SLC38A10: variants seen among roughly 807,000 people sequenced by gnomAD.
SLC38A10 encodes the protein Sodium-coupled neutral amino acid transporter 10.
In SLC38A10, 53 loss-of-function variants were observed where a neutral mutation model predicts 81.0. That is an observed-to-expected ratio of 0.65 (90% CI 0.53 to 0.82). The LOEUF (loss-of-function observed/expected upper bound fraction) is 0.82, where lower values mean the gene tolerates loss of function less well. Among genes scored for constraint, SLC38A10 ranks in the 40% least tolerant of loss-of-function variants. SLC38A10 has a pLI of 0.00. For synonymous variants in SLC38A10, 665 were observed against 655.3 expected (o/e 1.01, Z -0.23); for missense variants, 1,471 against 1,545.0 (o/e 0.95, Z 0.80).
intron 1 of SLC38A10, among the ~76,000 whole-genome samples, chr17:81,290,096 C>T (rs890727885): frequency 2.6e-5 from 4 of 152,204 alleles, no homozygotes; most frequent in African/African-American, 9.7e-5. Context: ...ACTAATACCC[C>T]CTTGTTCTCT....
In SLC38A10 at chr17:81,245,714, C is replaced by A. The variant is rs761683568; in HGVS notation, c.3202G>T (p.Asp1068Tyr). 6.2e-7 allele frequency: 1 copy of A among 1,600,500 alleles called. No homozygotes were observed. Among genetic ancestry groups the A allele is most frequent in the Non-Finnish European group, 8.5e-7 (1 of 1,170,620 alleles). ...PHAEGQLAPR[D>Y]GVIIGLNPLP... ...GGGTTAAGGCCAATGATGACCCCAT[C>A]CCTCGGGGCCAGCTGACCCTCTGCA... The change falls in exon 16 of 16, where the codon GAT becomes TAT. Residue 1068 changes from aspartate (D) to tyrosine (Y), a missense_variant. Asp to Tyr is a radical substitution (Grantham distance 160). Around this residue, in one of 2 missense-constraint regions of SLC38A10, gnomAD observed 751 missense variants for 717.4 expected, o/e 1.05. Transcript: ENST00000374759.
intron 10 of SLC38A10, 123 bp from the exon 11 acceptor site, chr17:81,260,517 A>C (rs2063012795): frequency 7.7e-7 from 1 of 1,300,860 alleles, no homozygotes; most frequent in Non-Finnish European, 1.0e-6. Flanking sequence ...TGGACATGAC[A>C]AAGTCCCCCG....
At chr17:81,260,510 A>G in intron 10 of SLC38A10, 116 bp from the exon 11 acceptor site, 1 of 1,351,674 alleles carries the variant, frequency 7.4e-7, no homozygotes, top group Non-Finnish European at 9.9e-7. Context: ...AGGAGAGTGG[A>G]CATGACAAAG....
chr17:81,272,840 G>C (rs924755421), intron 8 of SLC38A10, among the ~76,000 whole-genome samples: 5 of 152,126 alleles, frequency 3.3e-5, no homozygotes, highest in African/African-American at 1.2e-4. Flanking sequence ...AAGGCACGAG[G>C]GCTTCTCACC....
At chr17:81,259,154 G>A (rs1350526991) in intron 11 of SLC38A10, among the ~76,000 whole-genome samples, 1 of 152,200 alleles carries the variant, frequency 6.6e-6, no homozygotes, top group African/African-American at 2.4e-5. Context: ...CTCAGCCGAC[G>A]CCAGGGGCTC....
intron 10 of SLC38A10, among the ~76,000 whole-genome samples, chr17:81,268,330 A>G (rs2063086687): frequency 7.0e-6 from 1 of 142,834 alleles, no homozygotes; most frequent in Non-Finnish European, 1.5e-5. Flanking sequence ...GCACACTAGA[A>G]AACAAGACCC....
chr17:81,258,956 T>A (rs2062996720), intron 11 of SLC38A10, among the ~76,000 whole-genome samples: 1 of 152,174 alleles, frequency 6.6e-6, no homozygotes, highest in South Asian at 2.1e-4. Context: ...ACCTTCGCCA[T>A]CCGGGAACAG....
At chr17:81,260,763 G>C (rs936936332) in intron 10 of SLC38A10, among the ~76,000 whole-genome samples, 4 of 152,362 alleles carry the variant, frequency 2.6e-5, no homozygotes, top group Non-Finnish European at 5.9e-5. Context: ...GACGGAGCGG[G>C]AGGGACAGCG....
At chr17:81,249,003 T>A (rs771806859) in intron 14 of SLC38A10, among the ~76,000 whole-genome samples, 6 of 152,176 alleles carry the variant, frequency 3.9e-5, no homozygotes, top group Non-Finnish European at 8.8e-5. Context: ...GTGGGCCACG[T>A]GCTCGCCCTG....
rs991723929 is a variant in SLC38A10 at position 81,265,933 on chromosome 17, G to A, written c.1131+4985C>T. Reference sequence around the variant, plus strand: ...TCTCCTCCACGCACAGCCAAACTGCGGTGAATGTGATTCAGTGCGCTTTCT... The same window carrying A: ...TCTCCTCCACGCACAGCCAAACTGCAGTGAATGTGATTCAGTGCGCTTTCT... On this transcript the variant is annotated intron_variant, in intron 10 of 15. Coordinates refer to ENST00000374759, the MANE Select transcript of SLC38A10 (RefSeq NM_001037984.3). The surrounding 1 kb of genome is among the most constrained non-coding windows in gnomAD (Gnocchi z 4.2). Among the ~76,000 whole-genome samples, 4 of 152,238 alleles carry A rather than the reference G, an allele frequency of 2.6e-5. No homozygotes were observed. Among genetic ancestry groups the A allele is most frequent in the African/African-American group, 4.8e-5 (2 of 41,464 alleles).
chr17:81,261,426 G>C (rs1225106591), intron 10 of SLC38A10, among the ~76,000 whole-genome samples: 1 of 152,264 alleles, frequency 6.6e-6, no homozygotes, highest in Non-Finnish European at 1.5e-5. Context: ...GACTTCTGTA[G>C]AGCCAAGGGG....
intron 1 of SLC38A10, among the ~76,000 whole-genome samples, chr17:81,292,150 CAG>C (rs1406895050): frequency 2.0e-5 from 3 of 151,860 alleles, no homozygotes; most frequent in Non-Finnish European, 2.9e-5. Context: ...TTGTTTGAGA[CAG>C]AGTCTCACTC....
rs2063102157 is a variant in SLC38A10 at position 81,270,185 on chromosome 17, T to C, written c.1131+733A>G. ...CCTTGAGCCTGGCTGGGAGTGACGC[T>C]GCAGGCACTTTGGGTAGAGCCACCA... On this transcript the variant is annotated intron_variant, in intron 10 of 15. Coordinates refer to ENST00000374759, the MANE Select transcript of SLC38A10 (RefSeq NM_001037984.3). The surrounding 1 kb of genome is among the most constrained non-coding windows in gnomAD (Gnocchi z 4.0). 6.6e-6 allele frequency among the ~76,000 whole-genome samples: 1 copy of C among 152,192 alleles called. No individual in the cohort carries two copies. The highest frequency in any genetic ancestry group is 6.5e-5 in the Admixed American group (1 of 15,280).
rs145133392 is a variant in SLC38A10 at position 81,251,348 on chromosome 17, C to T, written c.2065+145G>A. On this transcript the variant is annotated intron_variant, in intron 14 of 15. Transcript: ENST00000374759. Reference sequence around the variant, plus strand: ...GATGGGAAGGGAGCAGAAAGCTCTCCGAGGGGTCTGCTCAGCAGGCGGCTG... The same window carrying T: ...GATGGGAAGGGAGCAGAAAGCTCTCTGAGGGGTCTGCTCAGCAGGCGGCTG... The T allele has an allele frequency of 4.6e-4, 738 of 1,612,886 alleles. 7 individuals carry two copies. In the African/African-American group the frequency reaches 8.5e-3, roughly 19 times the overall value.
chr17:81,249,205 AGG>A (rs2062881432), intron 14 of SLC38A10, among the ~76,000 whole-genome samples: 1 of 33,262 alleles, frequency 3.0e-5, no homozygotes, highest in Admixed American at 2.8e-4. Context: ...GAGGAGGGGG[AGG>A]GGGAGGAGGG....
intron 14 of SLC38A10, among the ~76,000 whole-genome samples, chr17:81,249,413 G>A (rs2062887129): frequency 6.6e-6 from 1 of 152,218 alleles, no homozygotes; most frequent in Admixed American, 6.5e-5. Context: ...GAAGGAGGGA[G>A]GGAAGAGGAG....
chr17:81,254,158 G>A (rs11869684), intron 11 of SLC38A10, among the ~76,000 whole-genome samples: 43,296 of 152,106 alleles, frequency 0.28, 6,933 homozygotes, highest in African/African-American at 0.41. Context: ...GCAGCCGAGG[G>A]GGACTCAGGT....
In SLC38A10 at chr17:81,246,688, G is replaced by C; in HGVS notation, c.2243-15C>G. On this transcript the variant is annotated splice_polypyrimidine_tract_variant and intron_variant, in intron 15 of 15. Coordinates refer to ENST00000374759, the MANE Select transcript of SLC38A10 (RefSeq NM_001037984.3). ...ATGCACCTCCACTGCAAATGAAGTCGGTCATCAATTTAGCCACAGCACTGT... is the reference window on the plus strand; with the variant it reads ...ATGCACCTCCACTGCAAATGAAGTCCGTCATCAATTTAGCCACAGCACTGT... 6.7e-7 allele frequency: 1 copy of C among 1,501,512 alleles called. No homozygotes were observed. The highest frequency in any genetic ancestry group is 8.9e-7 in the Non-Finnish European group (1 of 1,126,184). 93.0% of individuals were successfully genotyped at this position (1,501,512 alleles called of 1,614,324 possible). A position where few individuals can be genotyped will look rare whatever the true frequency, so the allele number is the denominator to read the frequency against.
At chr17:81,250,385 G>T (rs948451651) in intron 14 of SLC38A10, among the ~76,000 whole-genome samples, 1 of 152,252 alleles carries the variant, frequency 6.6e-6, no homozygotes, top group Non-Finnish European at 1.5e-5. Context: ...CAGCGACTGG[G>T]ACGTGGCTGC....
Sources: allele counts gnomAD v4.1 joint callset (sites outside exome capture counted in the v4.1 genomes callset), GRCh38; gene constraint gnomAD v4.1.1; regional missense constraint gnomAD v4.1.1; non-coding constraint Gnocchi (gnomAD v3.1); transcripts MANE v1.5; gene names NCBI Gene and HGNC (gene_info 2026-07-23, HGNC 2026-07-21).